The following EXOC6 variants were observed in gnomAD, a reference collection of about 807,000 sequenced individuals.
EXOC6 encodes exocyst complex component 6, also known as SEC15-like 1.
A neutral mutation model predicts 112.5 loss-of-function variants in EXOC6; 60 were observed. That is an observed-to-expected ratio of 0.53 (90% confidence interval 0.43 to 0.66). The LOEUF (loss-of-function observed/expected upper bound fraction) is 0.66. Among genes scored for constraint, EXOC6 ranks in the 30% least tolerant of loss-of-function variants. EXOC6 has a pLI of 0.00. For synonymous variants in EXOC6, 295 were observed against 308.0 expected (o/e 0.96, Z 0.44); for missense variants, 855 against 957.1 (o/e 0.89, Z 1.41).
intron 17 of EXOC6, among the ~76,000 whole-genome samples, chr10:92,968,892 GT>G (rs1165698079): frequency 6.6e-6 from 1 of 151,938 alleles, no homozygotes; most frequent in Admixed American, 6.6e-5. Flanking sequence ...AAACCGTTTT[GT>G]TTTTTTCTAT....
chr10:92,840,309 A>G (rs369965018), intron 1 of EXOC6, among the ~76,000 whole-genome samples: 3 of 152,164 alleles, frequency 2.0e-5, no homozygotes, highest in African/African-American at 7.2e-5. Context: ...AAAGGTCTAG[A>G]TTTTAATCTG....
chr10:92,999,735 G>A (rs922595657), intron 19 of EXOC6, among the ~76,000 whole-genome samples: 9 of 146,070 alleles, frequency 6.2e-5, no homozygotes, highest in Admixed American at 3.5e-4. Flanking sequence ...GCAGGGTCTC[G>A]CTGTGTCTCC....
At chr10:93,050,133 G>T (rs1195932101) in intron 20 of EXOC6, among the ~76,000 whole-genome samples, 1 of 152,120 alleles carries the variant, frequency 6.6e-6, no homozygotes, top group African/African-American at 2.4e-5. Context: ...TGGTAGGATA[G>T]CTACCCAAGA....
At chr10:92,928,114 A>G (rs1391454285) in intron 8 of EXOC6, among the ~76,000 whole-genome samples, 2 of 152,222 alleles carry the variant, frequency 1.3e-5, no homozygotes, top group African/African-American at 2.4e-5. Flanking sequence ...GTAGGTGTCA[A>G]ATTGTTTAAA....
At chr10:92,976,891 A>G (rs1228621369) in intron 18 of EXOC6, among the ~76,000 whole-genome samples, 1 of 152,204 alleles carries the variant, frequency 6.6e-6, no homozygotes, top group Non-Finnish European at 1.5e-5. Context: ...CTGAAATGTT[A>G]GATTCTTCAG....
chr10:93,038,065 A>AAT (rs1554926007), intron 20 of EXOC6, among the ~76,000 whole-genome samples: 1,832 of 126,066 alleles, frequency 0.015, 332 homozygotes, highest in African/African-American at 0.05. Context: ...AAAAAAAAAA[A>AAT]ATTTTTCTCT....
chr10:92,930,340 T>C (rs1851957250), intron 9 of EXOC6, among the ~76,000 whole-genome samples: 1 of 151,438 alleles, frequency 6.6e-6, no homozygotes, highest in South Asian at 2.1e-4. Context: ...CCATCTCTAC[T>C]AAAAATACAA....
At chr10:92,991,274 AAAAACACAAATATTAGCCG>A (rs1293964794) in intron 18 of EXOC6, among the ~76,000 whole-genome samples, 4 of 151,820 alleles carry the variant, frequency 2.6e-5, no homozygotes, top group Non-Finnish European at 5.9e-5. Context: ...CGTCTCTACC[AAAAACACAAATATTAGCCG>A]GGCATGGTCC....
intron 20 of EXOC6, among the ~76,000 whole-genome samples, chr10:93,047,690 A>G (rs945574813): frequency 1.1e-4 from 16 of 152,132 alleles, no homozygotes; most frequent in Middle Eastern, 3.4e-3. Flanking sequence ...GCTCACGCCT[A>G]TAATCCTAGC....
At chr10:92,934,121 T>G (rs1852219537) in intron 9 of EXOC6, 23 bp from the exon 10 acceptor site, 1 of 1,408,654 alleles carries the variant, frequency 7.1e-7, no homozygotes, top group Non-Finnish European at 9.9e-7. Flanking sequence ...TGGTTTAAAT[T>G]GATTTTTATT....
chr10:92,916,842 A>G (rs1234184123), intron 7 of EXOC6, among the ~76,000 whole-genome samples: 1 of 152,204 alleles, frequency 6.6e-6, no homozygotes, highest in Non-Finnish European at 1.5e-5. Flanking sequence ...GTATTGAGCT[A>G]TTAGGACAAT....
At chr10:92,873,415 A>G (rs1462559610) in intron 1 of EXOC6, among the ~76,000 whole-genome samples, 2 of 152,206 alleles carry the variant, frequency 1.3e-5, no homozygotes, top group Non-Finnish European at 2.9e-5. Flanking sequence ...GAAACAGGAT[A>G]CTATTTGTGA....
chr10:92,971,876 T>A (rs1352537625), intron 17 of EXOC6, among the ~76,000 whole-genome samples: 1 of 152,250 alleles, frequency 6.6e-6, no homozygotes, highest in African/African-American at 2.4e-5. Context: ...CATTTTTTGT[T>A]GATAACTGTA....
At chr10:93,057,136 G>C in intron 21 of EXOC6, 100 bp downstream of exon 21, 4 of 629,690 alleles carry the variant, frequency 6.4e-6, no homozygotes, top group Non-Finnish European at 1.1e-5. Context: ...GAAAAGTCTA[G>C]ATGGAGCTTA....
upstream of EXOC6, among the ~76,000 whole-genome samples, chr10:92,834,034 G>A (rs1055957471): frequency 1.3e-5 from 2 of 152,060 alleles, no homozygotes; most frequent in African/African-American, 2.4e-5. Context: ...TGAGGCATAA[G>A]GAACTGAAAA....
At position 92,898,371 on chromosome 10, in the gene EXOC6, A is replaced by G. The variant is rs192323426; in HGVS notation, c.413-1228A>G. 2.9e-3 allele frequency among the ~76,000 whole-genome samples: 446 copies of G among 151,692 alleles called. 2 individuals are homozygous for G. Among genetic ancestry groups the G allele is most frequent in the African/African-American group, 0.01 (428 of 41,366 alleles). On this transcript the variant is annotated intron_variant, in intron 4 of 21. Coordinates refer to ENST00000260762, the MANE Select transcript of EXOC6 (RefSeq NM_019053.6). ...CTTGAGCCCAAGAGGTTGAGGCTGC[A>G]GTAGGCCATGATCGTGCCACTGCCC...
rs556809908 is a variant in EXOC6, at chr10:92,915,752, A to G, written c.664-6A>G. On this transcript the variant is annotated splice_region_variant and splice_polypyrimidine_tract_variant and intron_variant, in intron 6 of 21. Coordinates refer to ENST00000260762, the MANE Select transcript of EXOC6 (RefSeq NM_019053.6). ...AATAATCTGAATTTCTCTCTCTTCA[A>G]AATAGGCACAGCATCAGAAAACCTT... 3 of 1,510,898 alleles carry G rather than the reference A, an allele frequency of 2.0e-6. No homozygotes were observed. The highest frequency in any genetic ancestry group is 2.6e-6 in the Non-Finnish European group (3 of 1,141,154). The allele number at this position is 1,510,898 out of a possible 1,614,324, so 93.6% of individuals were successfully genotyped here.
intron 17 of EXOC6, among the ~76,000 whole-genome samples, chr10:92,964,917 C>A (rs948184772): frequency 3.3e-5 from 5 of 152,200 alleles, no homozygotes; most frequent in African/African-American, 1.2e-4. Flanking sequence ...TGACTGCCTG[C>A]TCACAGTCCC....
At chr10:92,953,399 A>T (rs1853528013) in intron 15 of EXOC6, among the ~76,000 whole-genome samples, 1 of 152,274 alleles carries the variant, frequency 6.6e-6, no homozygotes, top group African/African-American at 2.4e-5. Context: ...TAAAAGTAGT[A>T]TTTTAATAAA....
Sources: allele counts gnomAD v4.1 joint callset (sites outside exome capture counted in the v4.1 genomes callset), GRCh38; gene constraint gnomAD v4.1.1; transcripts MANE v1.5; gene names NCBI Gene and HGNC (gene_info 2026-07-23, HGNC 2026-07-21).